The following TRHDE variants were observed in gnomAD, a reference collection of about 807,000 sequenced individuals.
The protein encoded by TRHDE is thyrotropin-releasing hormone-degrading ectoenzyme.
In TRHDE, 72 loss-of-function variants were observed where a neutral mutation model predicts 125.7. The ratio of observed to expected loss-of-function variants is 0.57; its 90% CI spans 0.47 to 0.70. TRHDE has a LOEUF of 0.70. Among genes scored for constraint, TRHDE ranks in the 30% least tolerant of loss-of-function variants. TRHDE has a pLI of 0.00. For synonymous variants in TRHDE, 509 were observed against 509.1 expected (o/e 1.00, Z 0.00); for missense variants, 1,110 against 1,327.1 (o/e 0.84, Z 2.54).
intron 2 of TRHDE, among the ~76,000 whole-genome samples, chr12:72,262,309 C>T (rs1355876834): frequency 6.6e-6 from 1 of 152,040 alleles, no homozygotes; most frequent in Non-Finnish European, 1.5e-5. Context: ...TTTGCATATC[C>T]TAGAGGGTAT....
chr12:72,551,741 C>G (rs185520171), intron 7 of TRHDE, among the ~76,000 whole-genome samples: 1 of 151,698 alleles, frequency 6.6e-6, no homozygotes, highest in East Asian at 1.9e-4. Flanking sequence ...AGGGGACACA[C>G]GATAGATAGG....
chr12:72,618,306 T>G (rs1185046502), intron 12 of TRHDE, among the ~76,000 whole-genome samples: 1 of 152,144 alleles, frequency 6.6e-6, no homozygotes, highest in African/African-American at 2.4e-5. Flanking sequence ...AGAGTTATTC[T>G]TTTAACATTT....
intron 2 of TRHDE, among the ~76,000 whole-genome samples, chr12:72,123,435 C>T (rs554985620): frequency 1.3e-5 from 2 of 151,998 alleles, no homozygotes; most frequent in Non-Finnish European, 2.9e-5. Flanking sequence ...AAGAATATTA[C>T]AAAACTCATA....
intron 1 of TRHDE, among the ~76,000 whole-genome samples, chr12:72,097,950 A>C (rs1181501247): frequency 2.0e-5 from 3 of 152,240 alleles, no homozygotes; most frequent in Non-Finnish European, 2.9e-5. Context: ...GTTGGGATGC[A>C]CTGCATATGT....
At chr12:72,553,752 G>A (rs901240137) in intron 7 of TRHDE, among the ~76,000 whole-genome samples, 1 of 150,616 alleles carries the variant, frequency 6.6e-6, no homozygotes, top group Admixed American at 6.6e-5. Flanking sequence ...ACCCCACCCA[G>A]GCAATTTCCT....
Position 72,668,998 on chromosome 12 carries a change from T to A in TRHDE, c.*5803T>A, listed in dbSNP as rs1418360061. 1 of 151,844 alleles carries A rather than the reference T, an allele frequency of 6.6e-6. No homozygotes were observed. Among genetic ancestry groups the A allele is most frequent in the Non-Finnish European group, 1.5e-5 (1 of 67,854 alleles). The allele number at this position is 151,844 out of a possible 1,614,324, so 9.4% of individuals were successfully genotyped here. A position where few individuals can be genotyped will look rare whatever the true frequency, so the allele number is the denominator to read the frequency against. On this transcript the variant is annotated 3_prime_UTR_variant, in exon 19 of 19. Coordinates refer to ENST00000261180, the MANE Select transcript of TRHDE (RefSeq NM_013381.3). The stretch of plus-strand genomic sequence containing the variant: ...TTGTGCATTCTGGTTTACCATTCAT[T>A]TCTTAACAAAGTTGCTTTATACGTT...
At chr12:72,453,051 T>C (rs1412949866) in intron 3 of TRHDE, among the ~76,000 whole-genome samples, 2 of 152,156 alleles carry the variant, frequency 1.3e-5, no homozygotes, top group African/African-American at 4.8e-5. Flanking sequence ...CAGACAAATA[T>C]GGAAACAGCT....
chr12:72,122,939 TAAC>T (rs1404415866), intron 2 of TRHDE, among the ~76,000 whole-genome samples: 5 of 151,870 alleles, frequency 3.3e-5, no homozygotes, highest in Admixed American at 2.0e-4. Flanking sequence ...AAGTGAAAGC[TAAC>T]AACAACAACA....
chr12:72,621,056 A>G (rs1349676462), intron 13 of TRHDE, 52 bp from the exon 14 acceptor site: 1 of 882,002 alleles, frequency 1.1e-6, no homozygotes, highest in Non-Finnish European at 1.8e-6. Context: ...AATTGTCAGC[A>G]TACAGAAGTT....
intron 2 of TRHDE, among the ~76,000 whole-genome samples, chr12:72,296,529 A>G (rs1337720361): frequency 6.6e-6 from 1 of 151,844 alleles, no homozygotes; most frequent in Non-Finnish European, 1.5e-5. Context: ...TTTGTTAGTA[A>G]TAGCTGAGTC....
intron 2 of TRHDE, among the ~76,000 whole-genome samples, chr12:72,370,753 T>C (rs1426119088): frequency 1.3e-5 from 2 of 152,056 alleles, no homozygotes; most frequent in Admixed American, 1.3e-4. Context: ...TGTTATTTTT[T>C]TTTTTTTGAG....
chr12:72,224,091 C>CATCCATCTATCTATCT (rs1878057546), intron 2 of TRHDE, among the ~76,000 whole-genome samples: 1 of 50,252 alleles, frequency 2.0e-5, no homozygotes, highest in Non-Finnish European at 4.2e-5. Context: ...TCTATCTATC[C>CATCCATCTATCTATCT]ATCTATCTAT....
chr12:72,134,251 G>A (rs1002547163), intron 2 of TRHDE, among the ~76,000 whole-genome samples: 1 of 152,094 alleles, frequency 6.6e-6, no homozygotes, highest in Admixed American at 6.5e-5. Context: ...TCCAGAAAGA[G>A]GGCTGGTCCC....
chr12:72,098,091 C>T (rs1592439247), intron 1 of TRHDE, among the ~76,000 whole-genome samples: 1 of 151,726 alleles, frequency 6.6e-6, no homozygotes, highest in Non-Finnish European at 1.5e-5. Context: ...CTATGTCGCC[C>T]GGGCTTGTCT....
chr12:72,355,072 A>T (rs914724492), intron 2 of TRHDE, among the ~76,000 whole-genome samples: 1 of 151,522 alleles, frequency 6.6e-6, no homozygotes, highest in Non-Finnish European at 1.5e-5. Flanking sequence ...GGTGAATACA[A>T]CGTGGGACCT....
chr12:72,334,563 G>A (rs916908135), intron 2 of TRHDE, among the ~76,000 whole-genome samples: 2 of 152,208 alleles, frequency 1.3e-5, no homozygotes, highest in African/African-American at 4.8e-5. Context: ...CCAGCTGTCT[G>A]ATCTGCAACC....
At chr12:72,156,839 G>A (rs1010655301) in intron 2 of TRHDE, among the ~76,000 whole-genome samples, 1 of 152,168 alleles carries the variant, frequency 6.6e-6, no homozygotes, top group Non-Finnish European at 1.5e-5. Context: ...TATAGGGAAT[G>A]CTAGGATTCA....
At chr12:72,361,065 T>G (rs1015176620) in intron 2 of TRHDE, among the ~76,000 whole-genome samples, 4 of 151,786 alleles carry the variant, frequency 2.6e-5, no homozygotes, top group Non-Finnish European at 4.4e-5. Flanking sequence ...CACTTATAAG[T>G]GAGAACATGT....
At chr12:72,658,009 T>C (rs1285037197) in intron 18 of TRHDE, among the ~76,000 whole-genome samples, 1 of 152,110 alleles carries the variant, frequency 6.6e-6, no homozygotes, top group Non-Finnish European at 1.5e-5. Context: ...ATCCTTAATA[T>C]CTTCTAATAT....
Sources: allele counts gnomAD v4.1 joint callset (sites outside exome capture counted in the v4.1 genomes callset), GRCh38; gene constraint gnomAD v4.1.1; transcripts MANE v1.5; gene names NCBI Gene and HGNC (gene_info 2026-07-23, HGNC 2026-07-21).